Variants in ST13 observed in about 807,000 individuals in gnomAD.
ST13 encodes ST13 Hsp70 interacting protein.
ST13 carries 23 observed loss-of-function variants against 56.7 expected under a neutral mutation model. The ratio of observed to expected loss-of-function variants is 0.41; its 90% CI spans 0.29 to 0.57. The LOEUF (loss-of-function observed/expected upper bound fraction) is 0.57, where lower values mean the gene tolerates loss of function less well. Ranked by LOEUF, ST13 falls within the 20% of genes least tolerant of loss-of-function variation. The probability of loss-of-function intolerance (pLI) is 0.36; values close to 1 mark genes in which losing one functional copy is unlikely to be tolerated. For synonymous variants in ST13, 132 were observed against 142.4 expected, an observed-to-expected ratio of 0.93 and a Z score of 0.52; for missense variants, 369 against 459.9, an observed-to-expected ratio of 0.80 and a Z score of 1.81.
chr22:40,842,209 G>T (rs1257987277), intron 4 of ST13, among the ~76,000 whole-genome samples: 2 of 152,176 alleles, frequency 1.3e-5, no homozygotes, highest in Non-Finnish European at 2.9e-5. Flanking sequence ...CACCAATTCA[G>T]AGACTTCATG....
intron 7 of ST13, among the ~76,000 whole-genome samples, chr22:40,833,271 G>C (rs189629496): frequency 6.6e-6 from 1 of 152,152 alleles, no homozygotes; most frequent in African/African-American, 2.4e-5. Context: ...AATACAAACA[G>C]AAATAAGAAG....
chr22:40,847,800 G>C (rs2057840043), intron 3 of ST13, among the ~76,000 whole-genome samples: 1 of 152,016 alleles, frequency 6.6e-6, no homozygotes, highest in Non-Finnish European at 1.5e-5. Context: ...TGTAATCTCA[G>C]CACTTTGGGA....
chr22:40,848,199 T>C, intron 3 of ST13, 95 bp downstream of exon 3: 2 of 811,874 alleles, frequency 2.5e-6, no homozygotes, highest in South Asian at 1.5e-5. Flanking sequence ...CCATTATATT[T>C]CTATTACACA....
At chr22:40,849,089 T>C (rs2057847642) in intron 2 of ST13, among the ~76,000 whole-genome samples, 1 of 152,210 alleles carries the variant, frequency 6.6e-6, no homozygotes, top group South Asian at 2.1e-4. Context: ...ACGCTGTGTA[T>C]CTTGTAAATT....
chr22:40,843,884 A>ATT (rs11308730), intron 4 of ST13, among the ~76,000 whole-genome samples: 41 of 143,988 alleles, frequency 2.8e-4, no homozygotes, highest in African/African-American at 9.9e-4. Context: ...AGGAAAATGC[A>ATT]TTTTTTTTTT....
chr22:40,844,971 GATT>G, intron 3 of ST13, 62 bp from the exon 4 acceptor site: 1 of 1,204,332 alleles, frequency 8.3e-7, no homozygotes, highest in Non-Finnish European at 1.2e-6. Flanking sequence ...CCACTCCCAA[GATT>G]ATTAAAAACT....
At chr22:40,831,983 G>C (rs2057756000) in intron 8 of ST13, 1 of 274,360 alleles carries the variant, frequency 3.6e-6, no homozygotes, top group African/African-American at 2.2e-5. Context: ...CTCCCGAGTA[G>C]CTGGGACTAC....
At chr22:40,845,223 T>TA (rs1306929051) in intron 3 of ST13, among the ~76,000 whole-genome samples, 1 of 152,224 alleles carries the variant, frequency 6.6e-6, no homozygotes, top group Admixed American at 6.5e-5. Context: ...CAAACTGATT[T>TA]AGTTCAAATA....
At chr22:40,834,881 A>C (rs1229523213) in intron 7 of ST13, among the ~76,000 whole-genome samples, 1 of 152,188 alleles carries the variant, frequency 6.6e-6, no homozygotes, top group African/African-American at 2.4e-5. Context: ...CACTAGAGCT[A>C]CTCTGAGTCA....
chr22:40,845,535 C>T (rs2057826540), intron 3 of ST13, among the ~76,000 whole-genome samples: 1 of 152,020 alleles, frequency 6.6e-6, no homozygotes, highest in Non-Finnish European at 1.5e-5. Context: ...ACTACTGATG[C>T]AGAATCAAGT....
intron 2 of ST13, 60 bp from the exon 3 acceptor site, chr22:40,848,429 T>C: frequency 8.7e-7 from 1 of 1,153,138 alleles, no homozygotes; most frequent in Non-Finnish European, 1.3e-6. Context: ...ATATTTATAC[T>C]AATTTCTACA....
At chr22:40,850,736 A>G (rs577482911) in intron 2 of ST13, 87 bp downstream of exon 2, 20 of 959,310 alleles carry the variant, frequency 2.1e-5, no homozygotes, top group African/African-American at 1.0e-4. Flanking sequence ...ATCAGGAGTG[A>G]TAACTGGAGA....
intron 2 of ST13, 137 bp downstream of exon 2, chr22:40,850,686 G>A: frequency 3.1e-6 from 2 of 646,844 alleles, no homozygotes; most frequent in East Asian, 5.9e-5. Context: ...TAAAGATAAA[G>A]AGGTCTTAAA....
At chr22:40,840,769 A>G in intron 4 of ST13, 77 bp from the exon 5 acceptor site, 1 of 1,231,814 alleles carries the variant, frequency 8.1e-7, no homozygotes, top group South Asian at 1.3e-5. Flanking sequence ...CTTAGGGATG[A>G]GGCGCAGTCA....
At chr22:40,836,554 G>GA (rs1179833652) in intron 5 of ST13, among the ~76,000 whole-genome samples, 1 of 151,976 alleles carries the variant, frequency 6.6e-6, no homozygotes, top group South Asian at 2.1e-4. Context: ...AAATTAAAAA[G>GA]AAAAAATTAA....
chr22:40,835,993 A>T (rs939473269), intron 5 of ST13, 106 bp from the exon 6 acceptor site: 1 of 908,538 alleles, frequency 1.1e-6, no homozygotes, highest in Non-Finnish European at 1.6e-6. Context: ...CTTTTAATCA[A>T]GTAAAAATAA....
chr22:40,850,212 T>C (rs1309226412), intron 2 of ST13, among the ~76,000 whole-genome samples: 1 of 152,226 alleles, frequency 6.6e-6, no homozygotes, highest in Non-Finnish European at 1.5e-5. Context: ...GAGCCGAGAT[T>C]GTACCAGTGC....
In ST13 at chr22:40,826,036, A is replaced by G. The variant is rs1391224767; in HGVS notation, c.*502T>C. On this transcript the variant is annotated 3_prime_UTR_variant, in exon 12 of 12. Coordinates refer to ENST00000216218, the MANE Select transcript of ST13 (RefSeq NM_003932.5). ...GGTGGTCCCAATTAGTTTTATTGAA[A>G]TAAATCTTTAAAGAAAAAGATAAAG... 6.5e-6 allele frequency: 1 copy of G among 152,832 alleles called. No homozygotes were observed. The highest frequency in any genetic ancestry group is 2.1e-4 in the South Asian group (1 of 4,850). 9.5% of individuals were successfully genotyped at this position (152,832 alleles called of 1,614,324 possible).
At chr22:40,840,326 C>T (rs186110386) in intron 5 of ST13, among the ~76,000 whole-genome samples, 35 of 150,534 alleles carry the variant, frequency 2.3e-4, no homozygotes, top group African/African-American at 8.5e-4. Context: ...GGTCACTGTT[C>T]TACTACTACT....
Sources: gnomAD v4.1 joint callset for allele counts (sites outside exome capture counted in the v4.1 genomes callset) on GRCh38, gnomAD v4.1.1 for gene constraint, MANE v1.5 for transcripts, NCBI Gene and HGNC (gene_info 2026-07-23, HGNC 2026-07-21) for gene names.